Variants in ERG observed in about 807,000 individuals in gnomAD.
The protein encoded by ERG is transcriptional regulator ERG.
ERG carries 9 observed loss-of-function variants against 55.3 expected under a neutral mutation model. That is an observed-to-expected ratio of 0.16 (90% CI 0.10 to 0.28). The LOEUF is 0.28. Ranked by LOEUF, ERG falls within the 10% of genes least tolerant of loss-of-function variation. ERG has a pLI of 1.00. For missense variants in ERG, 434 were observed against 631.6 expected (o/e 0.69, Z 3.35); for synonymous variants, 223 against 237.3 (o/e 0.94, Z 0.55).
rs1372527295 is a variant in ERG, at chr21:38,382,068, C to T, written c.*1335G>A. On this transcript the variant is annotated 3_prime_UTR_variant, in exon 10 of 10. Transcript: ENST00000288319. ...TAGGCCAAGCTTATTTTATTACATA[C>T]ATTCTGCATTCTAAGAACTAATAAC... 1 of 1,058,616 alleles carries T rather than the reference C, an allele frequency of 9.4e-7. No individual in the cohort carries two copies. Among genetic ancestry groups the T allele is most frequent in the Admixed American group, 5.4e-5 (1 of 18,502 alleles). 65.6% of individuals were successfully genotyped at this position (1,058,616 alleles called of 1,614,324 possible).
intron 1 of ERG, among the ~76,000 whole-genome samples, chr21:38,466,859 G>T (rs2059095777): frequency 6.6e-6 from 1 of 152,166 alleles, no homozygotes; most frequent in Non-Finnish European, 1.5e-5. Context: ...CTACTGGAAT[G>T]ATAATCCTAC....
chr21:38,540,638 A>C (rs1342771648), intron 2 of ERG, among the ~76,000 whole-genome samples: 1 of 152,156 alleles, frequency 6.6e-6, no homozygotes, highest in Non-Finnish European at 1.5e-5. Flanking sequence ...CATAGGCCCG[A>C]TCACTCATCA....
intron 1 of ERG, among the ~76,000 whole-genome samples, chr21:38,464,311 T>G (rs1027596105): frequency 6.6e-6 from 1 of 152,140 alleles, no homozygotes; most frequent in African/African-American, 2.4e-5. Context: ...AGCCCAGAAA[T>G]AAAAGCCTCA....
upstream of ERG, among the ~76,000 whole-genome samples, chr21:38,588,435 C>A (rs901622968): frequency 2.0e-5 from 3 of 152,122 alleles, no homozygotes; most frequent in African/African-American, 7.2e-5. Context: ...AAGAAGGCAC[C>A]AGATCATCAG....
intron 3 of ERG, among the ~76,000 whole-genome samples, chr21:38,408,670 C>A (rs912783192): frequency 1.3e-5 from 2 of 152,152 alleles, no homozygotes; most frequent in African/African-American, 4.8e-5. Context: ...AGTAGTCTCT[C>A]TAGTCTCCTC....
intron 2 of ERG, among the ~76,000 whole-genome samples, chr21:38,437,312 G>A (rs996773074): frequency 6.6e-6 from 1 of 151,860 alleles, no homozygotes; most frequent in Non-Finnish European, 1.5e-5. Flanking sequence ...GCCACTCGGA[G>A]CCAGGTCACT....
At chr21:38,387,212 A>G (rs1235966460) in intron 9 of ERG, among the ~76,000 whole-genome samples, 3 of 152,238 alleles carry the variant, frequency 2.0e-5, no homozygotes, top group Non-Finnish European at 4.4e-5. Context: ...GGCAGTAAAT[A>G]CAGCCGTGAG....
intron 2 of ERG, among the ~76,000 whole-genome samples, chr21:38,425,786 C>A (rs773820990): frequency 6.6e-6 from 1 of 152,168 alleles, no homozygotes; most frequent in Non-Finnish European, 1.5e-5. Flanking sequence ...AAACTATGGG[C>A]TTGGCATGGA....
chr21:38,551,873 A>G (rs1264772602), intron 2 of ERG, among the ~76,000 whole-genome samples: 1 of 152,114 alleles, frequency 6.6e-6, no homozygotes, highest in African/African-American at 2.4e-5. Flanking sequence ...TCAAGTGTCA[A>G]GTTTAGGTCT....
chr21:38,397,596 CAAAAAAAAAAAAAA>C (rs61047146), intron 6 of ERG, among the ~76,000 whole-genome samples: 1 of 67,164 alleles, frequency 1.5e-5, no homozygotes, highest in Non-Finnish European at 2.6e-5. Flanking sequence ...GACTCCATCT[CAAAAAAAAAAAAAA>C]AAAAAAAAGA....
chr21:38,624,807 C>T (rs888270638), intron 1 of ERG, among the ~76,000 whole-genome samples: 1 of 152,154 alleles, frequency 6.6e-6, no homozygotes, highest in Non-Finnish European at 1.5e-5. Context: ...ATACTTGAAA[C>T]ATCACAGCCC....
At chr21:38,653,270 A>T (rs1335454560) in intron 1 of ERG, among the ~76,000 whole-genome samples, 1 of 152,224 alleles carries the variant, frequency 6.6e-6, no homozygotes, top group Non-Finnish European at 1.5e-5. Context: ...AGGCAAAAAC[A>T]TGGACTAAAT....
chr21:38,564,063 C>G (rs891219176), intron 2 of ERG, among the ~76,000 whole-genome samples: 7 of 151,598 alleles, frequency 4.6e-5, no homozygotes, highest in African/African-American at 1.7e-4. Flanking sequence ...TATTATCAAC[C>G]CTGCAGAGGG....
At chr21:38,511,992 G>T (rs748917613) in intron 2 of ERG, among the ~76,000 whole-genome samples, 1 of 152,228 alleles carries the variant, frequency 6.6e-6, no homozygotes, top group Non-Finnish European at 1.5e-5. Flanking sequence ...TATCAGCCTT[G>T]TAATATAATT....
upstream of ERG, among the ~76,000 whole-genome samples, chr21:38,588,198 A>C (rs888840560): frequency 7.9e-5 from 12 of 152,222 alleles, no homozygotes; most frequent in African/African-American, 2.9e-4. Context: ...GAACTCAAAA[A>C]TACAGTCGTT....
At chr21:38,563,319 G>A (rs768312728) in intron 2 of ERG, among the ~76,000 whole-genome samples, 7 of 152,224 alleles carry the variant, frequency 4.6e-5, no homozygotes, top group Non-Finnish European at 1.0e-4. Context: ...ATGTGTTGAT[G>A]TAGGTTCAGC....
chr21:38,455,251 A>T (rs2058977568), intron 1 of ERG, among the ~76,000 whole-genome samples: 1 of 152,026 alleles, frequency 6.6e-6, no homozygotes, highest in Non-Finnish European at 1.5e-5. Context: ...AAAATTGTTG[A>T]ATTTTTCATA....
At chr21:38,412,920 G>A (rs1471873141) in intron 3 of ERG, among the ~76,000 whole-genome samples, 2 of 152,076 alleles carry the variant, frequency 1.3e-5, no homozygotes, top group Non-Finnish European at 2.9e-5. Context: ...TGAAGATTTC[G>A]TATTTACTTC....
intron 1 of ERG, among the ~76,000 whole-genome samples, chr21:38,633,737 ATGTC>A (rs1282166255): frequency 6.6e-6 from 1 of 152,218 alleles, no homozygotes; most frequent in Non-Finnish European, 1.5e-5. Context: ...TAGAAAATAA[ATGTC>A]TGAGAAAACC....
Sources: gnomAD v4.1 joint callset for allele counts (sites outside exome capture counted in the v4.1 genomes callset) on GRCh38, gnomAD v4.1.1 for gene constraint, MANE v1.5 for transcripts, NCBI Gene and HGNC (gene_info 2026-07-23, HGNC 2026-07-21) for gene names.